Variants in PDE4B observed in about 807,000 individuals in gnomAD.
PDE4B encodes the protein phosphodiesterase 4B, also known as 3',5'-cyclic-AMP phosphodiesterase 4B.
PDE4B carries 20 observed loss-of-function variants against 82.2 expected under a neutral mutation model. That is an observed-to-expected ratio of 0.24 (90% CI 0.17 to 0.35). The LOEUF is 0.35. PDE4B is among the 10% of genes least tolerant of loss of function. The probability of loss-of-function intolerance (pLI) is 1.00; values close to 1 mark genes in which losing one functional copy is unlikely to be tolerated. For synonymous variants in PDE4B, 320 were observed against 318.9 expected (o/e 1.00, Z -0.04); for missense variants, 655 against 907.2 (o/e 0.72, Z 3.57).
intron 3 of PDE4B, among the ~76,000 whole-genome samples, chr1:65,932,951 T>G (rs1436915158): frequency 6.6e-6 from 1 of 152,160 alleles, no homozygotes; most frequent in African/African-American, 2.4e-5. Context: ...AAAGGACTTA[T>G]GGGACACCAT....
At chr1:65,873,346 G>C (rs924070997) in intron 1 of PDE4B, among the ~76,000 whole-genome samples, 2 of 152,090 alleles carry the variant, frequency 1.3e-5, no homozygotes, top group African/African-American at 2.4e-5. Flanking sequence ...GAAAGGTTGG[G>C]GATTATGTCC....
intron 3 of PDE4B, among the ~76,000 whole-genome samples, chr1:66,111,159 C>T (rs2101051782): frequency 6.6e-6 from 1 of 152,112 alleles, no homozygotes; most frequent in South Asian, 2.1e-4. Flanking sequence ...CATGAAAAGA[C>T]CTGAACCCCA....
At chr1:66,285,117 T>C (rs537810754) in intron 7 of PDE4B, among the ~76,000 whole-genome samples, 4 of 152,150 alleles carry the variant, frequency 2.6e-5, no homozygotes, top group Non-Finnish European at 5.9e-5. Context: ...TGTTTATTGA[T>C]CATTACTCTC....
chr1:65,902,556 C>T (rs1052292094), intron 1 of PDE4B, among the ~76,000 whole-genome samples: 3 of 152,140 alleles, frequency 2.0e-5, no homozygotes, highest in African/African-American at 7.2e-5. Context: ...GTTATTGTCA[C>T]ACCTTGTAAA....
chr1:66,348,098 C>A (rs1196914913), intron 8 of PDE4B, among the ~76,000 whole-genome samples: 3 of 152,116 alleles, frequency 2.0e-5, no homozygotes, highest in African/African-American at 7.2e-5. Flanking sequence ...CTGAAAAATA[C>A]TATAAGTTGT....
rs943009126 is a variant in PDE4B at position 66,117,668 on chromosome 1, G to A, written c.282-129792G>A. On this transcript the variant is annotated intron_variant, in intron 3 of 16. Coordinates refer to ENST00000341517, the MANE Select transcript of PDE4B (RefSeq NM_002600.4). ...GAGTACTCAATTTTTCATTGATAAA[G>A]TGAGGTAGTTTCTGGGATCCTGGCA... 3.3e-5 allele frequency among the ~76,000 whole-genome samples: 5 copies of A among 152,188 alleles called. No individual in the cohort carries two copies. In the South Asian group the frequency reaches 6.2e-4, roughly 19 times the overall value.
At chr1:66,344,071 C>T (rs1570736462) in intron 8 of PDE4B, among the ~76,000 whole-genome samples, 1 of 152,180 alleles carries the variant, frequency 6.6e-6, no homozygotes, top group African/African-American at 2.4e-5. Context: ...ACCCATTTAG[C>T]AAGCTGAAAG....
rs1419237696 is a variant in PDE4B, at chr1:65,996,546, T to G, written c.281+77711T>G. ...TCCAACACCTACTATATTTTAAGTTTTTTACTAGAATGTCTGCATATGTTA... is the reference window on the plus strand; with the variant it reads ...TCCAACACCTACTATATTTTAAGTTGTTTACTAGAATGTCTGCATATGTTA... On this transcript the variant is annotated intron_variant, in intron 3 of 16. Transcript: ENST00000341517. Among the ~76,000 whole-genome samples the G allele has an allele frequency of 2.6e-5, 4 of 152,134 alleles. No homozygotes were observed. In the East Asian group the frequency reaches 5.8e-4, roughly 22 times the overall value.
At chr1:65,914,593 C>A (rs1647136999) in intron 2 of PDE4B, among the ~76,000 whole-genome samples, 1 of 139,492 alleles carries the variant, frequency 7.2e-6, no homozygotes, top group Non-Finnish European at 1.6e-5. Context: ...ATTTAGAAAA[C>A]TTTTTTTCTT....
At chr1:66,056,416 G>A (rs944008552) in intron 3 of PDE4B, among the ~76,000 whole-genome samples, 3 of 151,972 alleles carry the variant, frequency 2.0e-5, no homozygotes, top group Non-Finnish European at 4.4e-5. Context: ...GTGGCCAGGA[G>A]CCAAAGAATG....
In PDE4B at chr1:66,247,620, G is replaced by A. The variant is rs1488866208; in HGVS notation, c.442G>A (p.Ala148Thr). ...CAGCGACTATGACTTGTCACCAAAG[G>A]CGATGTCGAGAAACTCTTCTCTTCC... is the stretch of plus-strand genomic sequence containing the variant. Reference protein sequence around the residue: ...SDSDYDLSPKAMSRNSSLPSE... With the variant: ...SDSDYDLSPKTMSRNSSLPSE... The change falls in exon 4 of 17, where the codon GCG becomes ACG. Residue 148 changes from alanine (A) to threonine (T), a missense_variant. Transcript: ENST00000341517. 1 of 1,597,652 alleles carries A rather than the reference G, an allele frequency of 6.3e-7. No homozygotes were observed. Among genetic ancestry groups the A allele is most frequent in the Non-Finnish European group, 8.5e-7 (1 of 1,172,160 alleles).
intron 3 of PDE4B, among the ~76,000 whole-genome samples, chr1:66,225,505 T>C (rs1161808952): frequency 6.6e-6 from 1 of 152,212 alleles, no homozygotes; most frequent in East Asian, 1.9e-4. Context: ...TAGATTTGAA[T>C]GGAATTCAAT....
chr1:66,257,890 TGAA>T, intron 6 of PDE4B, 27 bp downstream of exon 6: 1 of 1,547,762 alleles, frequency 6.5e-7, no homozygotes. Flanking sequence ...TTGTGGAGTT[TGAA>T]TCCCTAACAT....
chr1:66,262,810 C>T (rs1309994713), intron 6 of PDE4B, among the ~76,000 whole-genome samples: 1 of 152,170 alleles, frequency 6.6e-6, no homozygotes, highest in African/African-American at 2.4e-5. Flanking sequence ...TCTGAATTGA[C>T]AACTCTAAAT....
intron 7 of PDE4B, among the ~76,000 whole-genome samples, chr1:66,271,953 A>G (rs745980095): frequency 8.5e-5 from 13 of 152,226 alleles, no homozygotes; most frequent in Non-Finnish European, 1.3e-4. Flanking sequence ...ATGTCGCTGC[A>G]TCCCCTCATC....
chr1:65,989,417 G>A (rs960782322), intron 3 of PDE4B, among the ~76,000 whole-genome samples: 5 of 152,016 alleles, frequency 3.3e-5, no homozygotes, highest in African/African-American at 1.2e-4. Context: ...GCTTGAACCC[G>A]GAGGCAGAGG....
chr1:66,255,296 C>G (rs1654124832), intron 4 of PDE4B, among the ~76,000 whole-genome samples: 1 of 152,122 alleles, frequency 6.6e-6, no homozygotes, highest in African/African-American at 2.4e-5. Context: ...CCATGTTGAT[C>G]AGACTGGTCT....
intron 4 of PDE4B, among the ~76,000 whole-genome samples, chr1:66,255,331 G>A (rs1350673256): frequency 1.3e-5 from 2 of 151,946 alleles, no homozygotes; most frequent in Non-Finnish European, 2.9e-5. Context: ...CAGGTGATCC[G>A]CCTGCCTCGG....
At chr1:66,217,386 A>G (rs1313226834) in intron 3 of PDE4B, among the ~76,000 whole-genome samples, 1 of 152,148 alleles carries the variant, frequency 6.6e-6, no homozygotes, top group East Asian at 1.9e-4. Context: ...AAGAAGCAGG[A>G]GGAAGAAATG....
Sources: allele counts gnomAD v4.1 joint callset (sites outside exome capture counted in the v4.1 genomes callset), GRCh38; gene constraint gnomAD v4.1.1; transcripts MANE v1.5; gene names NCBI Gene and HGNC (gene_info 2026-07-23, HGNC 2026-07-21).